DISC1: variants seen among roughly 807,000 people sequenced by gnomAD.
DISC1 encodes DISC1 scaffold protein.
In DISC1, 57 loss-of-function variants were observed where a neutral mutation model predicts 84.5. The ratio of observed to expected loss-of-function variants is 0.67; its 90% confidence interval spans 0.55 to 0.84. The LOEUF (loss-of-function observed/expected upper bound fraction) is 0.84. Among genes scored for constraint, DISC1 ranks in the 40% least tolerant of loss-of-function variants. DISC1 has a pLI of 0.00. For synonymous variants in DISC1, 411 were observed against 415.2 expected (o/e 0.99, Z 0.12); for missense variants, 1,000 against 1,057.8 (o/e 0.95, Z 0.76).
At chr1:231,818,742 G>A (rs1030806633) in intron 9 of DISC1, 68 of 1,390,868 alleles carry the variant, frequency 4.9e-5, no homozygotes, top group Non-Finnish European at 6.1e-5. Context: ...TTCTTTTTCT[G>A]TTCCCTGTCT....
At chr1:231,636,288 C>T (rs550683875) in intron 1 of DISC1, among the ~76,000 whole-genome samples, 8 of 152,224 alleles carry the variant, frequency 5.3e-5, no homozygotes, top group South Asian at 2.1e-4. Context: ...GTGGCAGCTC[C>T]GTAGGGTGGA....
intron 9 of DISC1, among the ~76,000 whole-genome samples, chr1:231,919,601 C>T (rs2089872261): frequency 6.6e-6 from 1 of 152,172 alleles, no homozygotes; most frequent in South Asian, 2.1e-4. Flanking sequence ...TATAGTGCCT[C>T]ACCGAGTATA....
chr1:231,927,391 C>A (rs1488323184), intron 9 of DISC1, among the ~76,000 whole-genome samples: 1 of 152,218 alleles, frequency 6.6e-6, no homozygotes, highest in East Asian at 1.9e-4. Flanking sequence ...CCCAAGACCT[C>A]ATTTCTTCCC....
intron 9 of DISC1, among the ~76,000 whole-genome samples, chr1:231,834,132 C>A (rs2082444350): frequency 6.6e-6 from 1 of 152,032 alleles, no homozygotes; most frequent in Admixed American, 6.6e-5. Flanking sequence ...CTCCAGCCAC[C>A]TTTTTAAGAG....
rs140158161 is a variant in DISC1, at chr1:231,864,695, T to C, written c.1981+46178T>C. ...TAAAACAACAACAACAACAAAAAAA[T>C]CTGAGGAGGTGGACACCATTTTTTG... On this transcript the variant is annotated intron_variant, in intron 9 of 12. Transcript: ENST00000439617. Among the ~76,000 whole-genome samples, 267 of 151,946 alleles carry C rather than the reference T, an allele frequency of 1.8e-3. 1 individual carries two copies. Among genetic ancestry groups the C allele is most frequent in the African/African-American group, 6.2e-3 (258 of 41,444 alleles).
chr1:231,793,861 C>A (rs1047325845), intron 6 of DISC1, among the ~76,000 whole-genome samples: 16 of 152,168 alleles, frequency 1.1e-4, no homozygotes, highest in African/African-American at 2.7e-4. Context: ...ATACAACACT[C>A]ATTTATCCAC....
intron 1 of DISC1, among the ~76,000 whole-genome samples, chr1:231,650,055 T>A (rs570871533): frequency 1.3e-5 from 2 of 152,298 alleles, no homozygotes; most frequent in East Asian, 3.9e-4. Flanking sequence ...GCATTTAGCC[T>A]ATTTAGATTT....
chr1:231,961,940 T>G (rs1295142950), intron 10 of DISC1, among the ~76,000 whole-genome samples: 1 of 152,232 alleles, frequency 6.6e-6, no homozygotes, highest in Admixed American at 6.5e-5. Context: ...TTTTAAGTTC[T>G]TTGGGAAATC....
intron 1 of DISC1, among the ~76,000 whole-genome samples, chr1:231,688,262 A>G (rs1220167592): frequency 6.6e-6 from 1 of 152,054 alleles, no homozygotes; most frequent in Non-Finnish European, 1.5e-5. Context: ...AACATGGACA[A>G]TGGCGTGTGG....
chr1:231,715,539 G>T (rs540673451), intron 3 of DISC1, among the ~76,000 whole-genome samples: 176 of 152,178 alleles, frequency 1.2e-3, no homozygotes, highest in African/African-American at 4.1e-3. Context: ...CTGTTTTTCC[G>T]GGAGCTTTAT....
chr1:231,836,130 C>T (rs2082615251), intron 9 of DISC1, among the ~76,000 whole-genome samples: 1 of 152,280 alleles, frequency 6.6e-6, no homozygotes, highest in South Asian at 2.1e-4. Context: ...TACCCAAGAC[C>T]TTATTTTTCT....
chr1:232,026,322 A>G, intron 11 of DISC1, 113 bp from the exon 12 acceptor site: 1 of 691,764 alleles, frequency 1.4e-6, no homozygotes, highest in Non-Finnish European at 2.5e-6. Flanking sequence ...AGGCCCTAGC[A>G]CAATTCTGAC....
chr1:231,828,303 G>A (rs893071448), intron 9 of DISC1, among the ~76,000 whole-genome samples: 2 of 152,150 alleles, frequency 1.3e-5, no homozygotes, highest in Non-Finnish European at 2.9e-5. Context: ...ACTTTGCTTC[G>A]TATGTACCAA....
Position 232,037,366 on chromosome 1 carries a change from A to G in DISC1, c.*535A>G, listed in dbSNP as rs1354490157. The G allele has an allele frequency of 2.0e-5, 3 of 152,314 alleles. No homozygotes were observed. The East Asian group carries it at 5.8e-4, about 29-fold the overall frequency. 9.4% of individuals were successfully genotyped at this position (152,314 alleles called of 1,614,324 possible). A position where few individuals can be genotyped will look rare whatever the true frequency, so the allele number is the denominator to read the frequency against. On this transcript the variant is annotated 3_prime_UTR_variant, in exon 13 of 13. Coordinates refer to ENST00000439617, the MANE Select transcript of DISC1 (RefSeq NM_018662.3). ...TTTCACCTTACTTCTCCTGTGATCT[A>G]ATATTATCTTAGAAAAATTAATATG... is the stretch of plus-strand genomic sequence containing the variant.
intron 10 of DISC1, among the ~76,000 whole-genome samples, chr1:231,977,663 G>A (rs1031674027): frequency 6.6e-6 from 1 of 152,144 alleles, no homozygotes; most frequent in African/African-American, 2.4e-5. Context: ...CCCGGGATTA[G>A]AACATGGACA....
At chr1:232,024,409 A>G (rs1284397491) in intron 11 of DISC1, among the ~76,000 whole-genome samples, 2 of 152,288 alleles carry the variant, frequency 1.3e-5, no homozygotes, top group East Asian at 3.9e-4. Context: ...ATCAAATTAT[A>G]TACTTGGATT....
chr1:231,680,237 A>T (rs990758648), intron 1 of DISC1, among the ~76,000 whole-genome samples: 1 of 152,214 alleles, frequency 6.6e-6, no homozygotes, highest in Admixed American at 6.5e-5. Context: ...AAAAAAACAA[A>T]CAAACAAAAA....
At chr1:231,912,988 G>A (rs1472061476) in intron 9 of DISC1, among the ~76,000 whole-genome samples, 1 of 151,472 alleles carries the variant, frequency 6.6e-6, no homozygotes, top group East Asian at 2.0e-4. Context: ...GCTTACTGCA[G>A]CCTCCACCTC....
chr1:231,970,160 C>T (rs1042587957), intron 10 of DISC1, among the ~76,000 whole-genome samples: 1 of 152,182 alleles, frequency 6.6e-6, no homozygotes, highest in African/African-American at 2.4e-5. Context: ...TTCTAGATCC[C>T]TGAGGAATTG....
Sources: allele counts gnomAD v4.1 joint callset (sites outside exome capture counted in the v4.1 genomes callset), GRCh38; gene constraint gnomAD v4.1.1; transcripts MANE v1.5; gene names NCBI Gene and HGNC (gene_info 2026-07-23, HGNC 2026-07-21).